The following AKAP10 variants were observed in gnomAD, a reference collection of about 807,000 sequenced individuals.
AKAP10 encodes A-kinase anchor protein 10, mitochondrial.
A neutral mutation model predicts 80.8 loss-of-function variants in AKAP10; 24 were observed. The observed-to-expected ratio is 0.30, with a 90% confidence interval of 0.22 to 0.42. AKAP10 has a LOEUF of 0.42. Ranked by LOEUF, AKAP10 falls within the 10% of genes least tolerant of loss-of-function variation. The pLI, the probability that AKAP10 is intolerant of heterozygous loss-of-function variation, is 1.00. For missense variants in AKAP10, 661 were observed against 794.9 expected (o/e 0.83, Z 2.03); for synonymous variants, 291 against 277.7 (o/e 1.05, Z -0.48).
intron 5 of AKAP10, among the ~76,000 whole-genome samples, chr17:19,946,657 C>CTTTTT (rs35156168): frequency 1.8e-5 from 2 of 111,142 alleles, no homozygotes; most frequent in Admixed American, 1.9e-4. Context: ...ATAAGAAAAA[C>CTTTTT]TTTTTTTTTT....
At position 19,940,957 on chromosome 17, in the gene AKAP10, A is replaced by G. The variant is rs574161777; in HGVS notation, c.1115T>C (p.Val372Ala). Residue 372 changes from valine (V) to alanine (A), a missense_variant, in exon 7 of 15, where the codon GTG (valine) becomes GCG (alanine). By Grantham distance (64) the Val-to-Ala change is moderately conservative. Coordinates refer to ENST00000225737, the MANE Select transcript of AKAP10 (RefSeq NM_007202.4). Reference protein sequence around the residue: ...SHHFCKYQIEVLTSGTVYLAD... With the variant: ...SHHFCKYQIEALTSGTVYLAD... ...CAGGTAAACAGTTCCACTGGTCAGC[A>G]CTTCAATCTGGTATTTACAGAAATG... 6.2e-7 allele frequency: 1 copy of G among 1,612,164 alleles called. No individual in the cohort carries two copies. The highest frequency in any genetic ancestry group is 2.2e-5 in the East Asian group (1 of 44,772).
At chr17:19,923,218 C>T (rs1220882384) in intron 11 of AKAP10, among the ~76,000 whole-genome samples, 3 of 151,940 alleles carry the variant, frequency 2.0e-5, no homozygotes, top group Non-Finnish European at 2.9e-5. Flanking sequence ...GCTGGGACTA[C>T]AGGCACACGC....
At chr17:19,949,791 A>C (rs1022301439) in intron 4 of AKAP10, among the ~76,000 whole-genome samples, 8 of 152,036 alleles carry the variant, frequency 5.3e-5, no homozygotes, top group African/African-American at 1.9e-4. Flanking sequence ...GAAAAAAAAA[A>C]AAAAACGGTG....
intron 5 of AKAP10, among the ~76,000 whole-genome samples, chr17:19,945,210 G>C (rs180914173): frequency 4.0e-5 from 6 of 151,004 alleles, no homozygotes; most frequent in Middle Eastern, 3.4e-3. Context: ...TCATTAATTT[G>C]ATTAAGCTTA....
chr17:19,926,410 A>G (rs1185826725), intron 10 of AKAP10, among the ~76,000 whole-genome samples: 2 of 152,184 alleles, frequency 1.3e-5, no homozygotes, highest in Non-Finnish European at 2.9e-5. Flanking sequence ...TCAGATAGGA[A>G]ACAAGACAAA....
intron 12 of AKAP10, among the ~76,000 whole-genome samples, chr17:19,915,895 C>T (rs530349648): frequency 6.6e-6 from 1 of 152,290 alleles, no homozygotes; most frequent in Admixed American, 6.5e-5. Context: ...AAAACAAAAA[C>T]AAAACATAAA....
At chr17:19,947,342 G>T in intron 5 of AKAP10, 65 bp downstream of exon 5, 1 of 1,258,334 alleles carries the variant, frequency 7.9e-7, no homozygotes, top group Admixed American at 2.1e-5. Context: ...AGTCAATAAC[G>T]AAAATTGTCA....
intron 3 of AKAP10, 132 bp from the exon 4 acceptor site, chr17:19,958,703 A>C (rs1353439694): frequency 1.4e-6 from 1 of 725,326 alleles, no homozygotes; most frequent in African/African-American, 1.8e-5. Context: ...AACTAAAGTA[A>C]ATAAAAAAAC....
chr17:19,934,312 T>C (rs939503088), intron 9 of AKAP10, among the ~76,000 whole-genome samples: 10 of 152,178 alleles, frequency 6.6e-5, no homozygotes, highest in African/African-American at 2.2e-4. Context: ...ACTGGTGATA[T>C]ATGTGGATCA....
chr17:19,931,601 G>A (rs531284668), intron 10 of AKAP10, among the ~76,000 whole-genome samples: 10 of 152,162 alleles, frequency 6.6e-5, no homozygotes, highest in African/African-American at 2.2e-4. Flanking sequence ...ATGTCGGCCA[G>A]GCTGGTCTCG....
chr17:19,964,785 T>C (rs563851268), intron 2 of AKAP10, among the ~76,000 whole-genome samples: 8 of 152,174 alleles, frequency 5.3e-5, no homozygotes, highest in Non-Finnish European at 1.5e-5. Context: ...CCCAGCTACT[T>C]GGGAGGCTGA....
In AKAP10 at chr17:19,940,787, A is replaced by G. The variant is rs558041930; in HGVS notation, c.1185+100T>C. The stretch of plus-strand genomic sequence containing the variant: ...ACAATGATACATCTTTTTGGAAATG[A>G]CTTGGCTCTTCTGTGTTATTTCCTA... On this transcript the variant is annotated intron_variant, in intron 7 of 14. Coordinates refer to ENST00000225737, the MANE Select transcript of AKAP10 (RefSeq NM_007202.4). 5.3e-6 allele frequency: 7 copies of G among 1,330,962 alleles called. No individual in the cohort carries two copies. In the African/African-American group the frequency reaches 6.0e-5, roughly 11 times the overall value. The allele number at this position is 1,330,962 out of a possible 1,614,324, so 82.4% of individuals were successfully genotyped here. A position where few individuals can be genotyped will look rare whatever the true frequency, so the allele number is the denominator to read the frequency against.
intron 12 of AKAP10, among the ~76,000 whole-genome samples, chr17:19,910,182 C>T (rs987080667): frequency 6.6e-6 from 1 of 151,944 alleles, no homozygotes; most frequent in African/African-American, 2.4e-5. Flanking sequence ...TAAAAATCAG[C>T]CAGGCATGGT....
At chr17:19,912,502 ACT>A (rs1314607041) in intron 12 of AKAP10, among the ~76,000 whole-genome samples, 1 of 152,192 alleles carries the variant, frequency 6.6e-6, no homozygotes, top group Non-Finnish European at 1.5e-5. Flanking sequence ...GCACCACTGC[ACT>A]CCAGCCTGGG....
chr17:19,967,045 T>A (rs550937400), intron 2 of AKAP10, among the ~76,000 whole-genome samples: 1 of 152,238 alleles, frequency 6.6e-6, no homozygotes, highest in African/African-American at 2.4e-5. Flanking sequence ...TCCAGCAAAT[T>A]GAGCATATAG....
At chr17:19,936,082 G>A (rs1483877012) in intron 9 of AKAP10, 4 of 431,142 alleles carry the variant, frequency 9.3e-6, no homozygotes, top group East Asian at 6.8e-5. Context: ...CAGGACCATC[G>A]TACACGCAGT....
chr17:19,960,684 TAC>T (rs2043337640), intron 3 of AKAP10, among the ~76,000 whole-genome samples: 3 of 152,194 alleles, frequency 2.0e-5, no homozygotes, highest in Admixed American at 2.0e-4. Context: ...CTGGGATAAA[TAC>T]AGAGTGCAAC....
chr17:19,952,114 T>C (rs142295467), intron 4 of AKAP10, among the ~76,000 whole-genome samples: 96 of 150,870 alleles, frequency 6.4e-4, no homozygotes, highest in African/African-American at 2.1e-3. Context: ...CTAAAATTTA[T>C]ATTAAAATAA....
At chr17:19,929,777 T>C (rs1274972959) in intron 10 of AKAP10, 1 of 151,994 alleles carries the variant, frequency 6.6e-6, no homozygotes, top group Non-Finnish European at 1.5e-5. Context: ...AGCAGTTCAA[T>C]ACCAGCCTGA....
Sources: allele counts gnomAD v4.1 joint callset (sites outside exome capture counted in the v4.1 genomes callset), GRCh38; gene constraint gnomAD v4.1.1; transcripts MANE v1.5; gene names NCBI Gene and HGNC (gene_info 2026-07-23, HGNC 2026-07-21).